The following SAMD8 variants were observed in gnomAD, a reference collection of about 807,000 sequenced individuals.
SAMD8 encodes the protein sterile alpha motif domain containing 8.
In SAMD8, 20 loss-of-function variants were observed where a neutral mutation model predicts 42.0. That is an observed-to-expected ratio of 0.48 (90% CI 0.34 to 0.69). The LOEUF is 0.69. Among genes scored for constraint, SAMD8 ranks in the 30% least tolerant of loss-of-function variants. The pLI is 0.01. For synonymous variants in SAMD8, 162 were observed against 173.0 expected (o/e 0.94, Z 0.50); for missense variants, 328 against 511.6 (o/e 0.64, Z 3.46).
chr10:75,137,550 AAAAG>A (rs1233363125), intron 1 of SAMD8, among the ~76,000 whole-genome samples: 15 of 152,248 alleles, frequency 9.9e-5, no homozygotes, highest in East Asian at 1.9e-4. Context: ...AAAAAAAAAA[AAAAG>A]AAAGAAAATT....
At chr10:75,147,014 C>A (rs1290314949) in intron 1 of SAMD8, among the ~76,000 whole-genome samples, 1 of 152,156 alleles carries the variant, frequency 6.6e-6, no homozygotes, top group Non-Finnish European at 1.5e-5. Context: ...TTAGGGCATT[C>A]CCACAGCAGG....
intron 2 of SAMD8, among the ~76,000 whole-genome samples, chr10:75,156,152 G>T (rs1307572485): frequency 6.6e-6 from 1 of 152,208 alleles, no homozygotes. Flanking sequence ...CAAGGCTGTA[G>T]TGAGCTGTGA....
chr10:75,130,285 T>G (rs1849245378), intron 1 of SAMD8, among the ~76,000 whole-genome samples: 1 of 152,000 alleles, frequency 6.6e-6, no homozygotes, highest in Non-Finnish European at 1.5e-5. Context: ...GCAGATCACC[T>G]GAGGTCAGGA....
chr10:75,137,864 A>G (rs1464880239), intron 1 of SAMD8, among the ~76,000 whole-genome samples: 1 of 152,204 alleles, frequency 6.6e-6, no homozygotes, highest in East Asian at 1.9e-4. Flanking sequence ...AATGGTAAAA[A>G]TGGTAAATTT....
In SAMD8 at chr10:75,176,231, A is replaced by G; in HGVS notation, c.943+15A>G. 6.2e-7 allele frequency: 1 copy of G among 1,614,212 alleles called. No individual in the cohort carries two copies. The highest frequency in any genetic ancestry group is 8.5e-7 in the Non-Finnish European group (1 of 1,180,020). ...TGTCACCGAATGTAAGTATCTTTTTAGTGCTTCTATGCGTATTAGGTAACT... is the reference window on the plus strand; with the variant it reads ...TGTCACCGAATGTAAGTATCTTTTTGGTGCTTCTATGCGTATTAGGTAACT... On this transcript the variant is annotated intron_variant, in intron 5 of 5. Transcript: ENST00000542569. The surrounding 1 kb of genome is among the most constrained non-coding windows in gnomAD (Gnocchi z 4.3).
At chr10:75,109,188 G>A, upstream of SAMD8, 1 of 1,530,646 alleles carries the variant, frequency 6.5e-7, no homozygotes, top group Non-Finnish European at 8.8e-7. Context: ...CTGCCTCTGT[G>A]GTCACTCCTC....
chr10:75,165,207 T>C (rs1179020553), intron 3 of SAMD8, among the ~76,000 whole-genome samples: 1 of 151,298 alleles, frequency 6.6e-6, no homozygotes, highest in Admixed American at 6.6e-5. Flanking sequence ...GGAGAATCGC[T>C]TGGACCCCAG....
intron 1 of SAMD8, among the ~76,000 whole-genome samples, chr10:75,133,761 T>TA (rs1468107046): frequency 6.6e-6 from 1 of 152,142 alleles, no homozygotes; most frequent in Non-Finnish European, 1.5e-5. Flanking sequence ...AAAAACAAGT[T>TA]AATCTTGTAG....
Position 75,168,664 on chromosome 10 carries a change from C to A in SAMD8, c.792+6C>A. The A allele has an allele frequency of 4.6e-6, 7 of 1,526,642 alleles. No homozygotes were observed. The highest frequency in any genetic ancestry group is 6.4e-6 in the Non-Finnish European group (7 of 1,100,336). 94.6% of individuals were successfully genotyped at this position (1,526,642 alleles called of 1,614,324 possible). On this transcript the variant is annotated splice_donor_region_variant and intron_variant, in intron 4 of 5. Transcript: ENST00000542569. The stretch of plus-strand genomic sequence containing the variant: ...ACCTGCAGTGTACTGGAAAGGTAGC[C>A]TGCTACCTTCTTTATCATTCTTGTT...
In SAMD8 at chr10:75,151,011, A is replaced by G. The variant is rs1047040779; in HGVS notation, c.483A>G (p.Ile161Met). The change falls in exon 2 of 6, where the codon ATA becomes ATG. Residue 161 changes from isoleucine (I) to methionine (M), a missense_variant. Around this residue, in one of 2 missense-constraint regions of SAMD8, gnomAD observed 178 missense variants for 325.6 expected, o/e 0.55. Transcript: ENST00000542569. ...TACTGAGTTGTATATATGTTTTTAT[A>G]GTATTTGGATTTACATCTTTCATTA... ...KTILSCIYVF[I>M]VFGFTSFIMV... is the part of the protein sequence containing the mutation. The G allele has an allele frequency of 2.5e-6, 4 of 1,608,020 alleles. No homozygotes were observed. Among genetic ancestry groups the G allele is most frequent in the Non-Finnish European group, 2.5e-6 (3 of 1,177,674 alleles).
intron 1 of SAMD8, among the ~76,000 whole-genome samples, chr10:75,126,331 A>C (rs1028192852): frequency 8.5e-5 from 13 of 152,176 alleles, no homozygotes; most frequent in Non-Finnish European, 1.9e-4. Flanking sequence ...GAGTGAACTA[A>C]TTATGACTCT....
chr10:75,146,640 G>C (rs985134878), intron 1 of SAMD8, among the ~76,000 whole-genome samples: 1 of 152,054 alleles, frequency 6.6e-6, no homozygotes, highest in African/African-American at 2.4e-5. Flanking sequence ...TCAGGTCAGA[G>C]GATAAATCTG....
chr10:75,101,886 A>G (rs780048154), intron 1 of SAMD8: 1 of 1,366,666 alleles, frequency 7.3e-7, no homozygotes, highest in Non-Finnish European at 9.8e-7. Context: ...TATCTGGCCC[A>G]GGCTGTGCAC....
At chr10:75,153,706 A>G (rs913336434) in intron 2 of SAMD8, among the ~76,000 whole-genome samples, 1 of 152,186 alleles carries the variant, frequency 6.6e-6, no homozygotes, top group African/African-American at 2.4e-5. Context: ...CTATGCCAGA[A>G]TAATGTATAC....
At position 75,114,593 on chromosome 10, in the gene SAMD8, CT is replaced by C. The variant is rs547363943; in HGVS notation, c.-16+2878del. On this transcript the variant is annotated intron_variant, in intron 1 of 5. Coordinates refer to ENST00000542569, the MANE Select transcript of SAMD8 (RefSeq NM_001174156.2). The stretch of plus-strand genomic sequence containing the variant: ...TTTTCTAAGAATTGAAATTTGAACA[CT>C]TTTTTTGAGAAACTTAAATCACAGA... 2.0e-5 allele frequency among the ~76,000 whole-genome samples: 3 copies of C among 152,146 alleles called. No individual in the cohort carries two copies. The South Asian group carries it at 6.2e-4, about 32-fold the overall frequency.
At chr10:75,147,494 T>G (rs544305576) in intron 1 of SAMD8, among the ~76,000 whole-genome samples, 249 of 152,144 alleles carry the variant, frequency 1.6e-3, no homozygotes, top group African/African-American at 5.8e-3. Flanking sequence ...CCTGGCTAAT[T>G]TTTTTGCATT....
At chr10:75,144,884 C>T (rs1840098439) in intron 1 of SAMD8, among the ~76,000 whole-genome samples, 1 of 152,196 alleles carries the variant, frequency 6.6e-6, no homozygotes, top group African/African-American at 2.4e-5. Flanking sequence ...GTCTTGAACT[C>T]ATAGGCTTAA....
chr10:75,105,681 G>A (rs141536020), intron 1 of SAMD8: 27,334 of 1,549,080 alleles, frequency 0.018, 294 homozygotes, highest in Non-Finnish European at 0.022. Context: ...AGCTCTGGCC[G>A]GCACCCCGCA....
chr10:75,104,779 C>T (rs759024968), intron 1 of SAMD8, among the ~76,000 whole-genome samples: 2 of 152,236 alleles, frequency 1.3e-5, no homozygotes, highest in Middle Eastern at 3.4e-3. Flanking sequence ...TAATCCTGCT[C>T]CTCAAGATGC....
Sources: gnomAD v4.1 joint callset for allele counts (sites outside exome capture counted in the v4.1 genomes callset) on GRCh38, gnomAD v4.1.1 for gene constraint, gnomAD v4.1.1 regional missense constraint, Gnocchi (gnomAD v3.1) non-coding constraint, MANE v1.5 for transcripts, NCBI Gene and HGNC (gene_info 2026-07-23, HGNC 2026-07-21) for gene names.